AKAP9: variants seen among roughly 807,000 people sequenced by gnomAD.
The protein encoded by AKAP9 is A-kinase anchoring protein 9, also known as A-kinase anchor protein 9.
In AKAP9, 311 loss-of-function variants were observed where a neutral mutation model predicts 488.5. The ratio of observed to expected loss-of-function variants is 0.64; its 90% confidence interval spans 0.58 to 0.70. AKAP9 has a LOEUF of 0.70. Among genes scored for constraint, AKAP9 ranks in the 30% least tolerant of loss-of-function variants. The pLI, the probability that AKAP9 is intolerant of heterozygous loss-of-function variation, is 0.00. For synonymous variants in AKAP9, 1,462 were observed against 1,483.5 expected, an observed-to-expected ratio of 0.99 and a Z score of 0.33; for missense variants, 4,215 against 4,374.5, an observed-to-expected ratio of 0.96 and a Z score of 1.03.
At chr7:92,072,358 C>T (rs780449172) in intron 28 of AKAP9, among the ~76,000 whole-genome samples, 13 of 152,202 alleles carry the variant, frequency 8.5e-5, no homozygotes, top group Non-Finnish European at 1.2e-4. Flanking sequence ...TGACAGCTGA[C>T]CCTAATAACA....
chr7:92,058,037 A>G (rs1544377), intron 22 of AKAP9: 132,669 of 339,366 alleles, frequency 0.39, 26,960 homozygotes, highest in African/African-American at 0.47. Context: ...ATTTTATAAC[A>G]TTTATTTGAT....
rs1818432695 is a variant in AKAP9, at chr7:92,105,875, CAGCAGCAGGTG to C, written c.11416+119_11416+129del. The C allele has an allele frequency of 6.3e-6, 6 of 950,234 alleles. No individual in the cohort carries two copies. In the Admixed American group the frequency reaches 1.1e-4, roughly 17 times the overall value. 58.9% of individuals were successfully genotyped at this position (950,234 alleles called of 1,614,324 possible). ...GTGGCCTGTTAGGAACCAGGCCGCA[CAGCAGCAGGTG>C]AGCAGCGGGCATTACTGCCCGAGCT... On this transcript the variant is annotated intron_variant, in intron 47 of 49. Transcript: ENST00000356239.
At chr7:91,995,462 A>C in intron 6 of AKAP9, 141 bp from the exon 7 acceptor site, 1 of 684,202 alleles carries the variant, frequency 1.5e-6, no homozygotes, top group East Asian at 2.7e-5. Flanking sequence ...ATACCTATCT[A>C]GTCAGCCAAG....
In AKAP9 at chr7:92,102,441, TTTACTA is replaced by T. The variant is rs1406152184; in HGVS notation, c.11098-146_11098-141del. On this transcript the variant is annotated intron_variant, in intron 45 of 49. Transcript: ENST00000356239. The stretch of plus-strand genomic sequence containing the variant: ...GAAAACAGTGATAGGAACCTGCCGT[TTTACTA>T]TTACTACTACTACTACTACTACTAC... The T allele has an allele frequency of 1.5e-3, 869 of 563,020 alleles. 1 individual carries two copies. The highest frequency in any genetic ancestry group is 1.8e-3 in the East Asian group (51 of 28,516). The allele number at this position is 563,020 out of a possible 1,614,324, so 34.9% of individuals were successfully genotyped here. A position where few individuals can be genotyped will look rare whatever the true frequency, so the allele number is the denominator to read the frequency against.
At chr7:92,059,907 T>C (rs1199370513) in intron 22 of AKAP9, among the ~76,000 whole-genome samples, 9 of 151,936 alleles carry the variant, frequency 5.9e-5, no homozygotes, top group Admixed American at 3.9e-4. Flanking sequence ...TAACAACATA[T>C]TATCATGGGT....
intron 3 of AKAP9, among the ~76,000 whole-genome samples, chr7:91,989,561 A>G (rs1797516487): frequency 6.6e-6 from 1 of 152,094 alleles, no homozygotes; most frequent in Admixed American, 6.6e-5. Context: ...ATACTTTGCC[A>G]TGTATAGAAA....
chr7:92,008,095 C>A (rs1029302471), intron 8 of AKAP9, among the ~76,000 whole-genome samples: 3 of 152,134 alleles, frequency 2.0e-5, no homozygotes, highest in African/African-American at 7.2e-5. Context: ...AGTGGCTGGC[C>A]GTGGTGGCTC....
At chr7:91,959,557 T>C (rs1157552881) in intron 1 of AKAP9, among the ~76,000 whole-genome samples, 1 of 152,216 alleles carries the variant, frequency 6.6e-6, no homozygotes. Flanking sequence ...CTTTCCACTT[T>C]AGCTTCCCAA....
intron 16 of AKAP9, 71 bp from the exon 17 acceptor site, chr7:92,038,348 C>A: frequency 8.0e-7 from 1 of 1,244,568 alleles, no homozygotes; most frequent in Non-Finnish European, 1.2e-6. Flanking sequence ...ATTTTGAGTA[C>A]TAATTTACTT....
At chr7:92,028,183 A>C (rs1343016890) in intron 14 of AKAP9, among the ~76,000 whole-genome samples, 1 of 151,488 alleles carries the variant, frequency 6.6e-6, no homozygotes, top group Non-Finnish European at 1.5e-5. Context: ...CTGCCTAGGA[A>C]AACCAGAGAC....
intron 19 of AKAP9, 57 bp downstream of exon 19, chr7:92,042,243 T>C: frequency 6.2e-7 from 1 of 1,608,160 alleles, no homozygotes; most frequent in East Asian, 2.2e-5. Context: ...GTAGGATTTG[T>C]TTGTCTTTGT....
intron 1 of AKAP9, among the ~76,000 whole-genome samples, chr7:91,963,482 T>TCACACACACACA (rs56800758): frequency 2.7e-3 from 382 of 139,308 alleles, no homozygotes; most frequent in East Asian, 8.5e-3. Flanking sequence ...AACATATTTG[T>TCACACACACACA]CACACACACA....
Position 92,105,763 on chromosome 7 carries a change from G to A in AKAP9, c.11416G>A (p.Gly3806Ser). ...CAGAGATGGCTTTGGACTGAATCAA[G>A]GTGAAGTCAAAATAGCATATTTTCT... ...INRDGFGLNQ[G>S]AEKTDSFYHS... Residue 3806 changes from glycine (G) to serine (S), a missense_variant and splice_region_variant, in exon 47 of 50, where the codon GGT (glycine) becomes AGT (serine). Around this residue, in one of 5 missense-constraint regions of AKAP9, gnomAD observed 253 missense variants for 266.8 expected, o/e 0.95. Transcript: ENST00000356239. 1 of 1,612,626 alleles carries A rather than the reference G, an allele frequency of 6.2e-7. No individual in the cohort carries two copies. The highest frequency in any genetic ancestry group is 8.5e-7 in the Non-Finnish European group (1 of 1,178,650).
intron 8 of AKAP9, among the ~76,000 whole-genome samples, chr7:92,003,721 CTTTGA>C (rs1166570184): frequency 6.6e-6 from 1 of 151,772 alleles, no homozygotes; most frequent in African/African-American, 2.4e-5. Context: ...AAAAAAAAAC[CTTTGA>C]TTTAAGTCCT....
rs1244571081 is a variant in AKAP9 at position 91,940,974 on chromosome 7, G to T, written c.-126G>T. Reference sequence around the variant, plus strand: ...GACTGCTTCCACTTCGGGCGGGGGAGCGCCGGACCGAATCGGCTCTCTAGG... The same window carrying T: ...GACTGCTTCCACTTCGGGCGGGGGATCGCCGGACCGAATCGGCTCTCTAGG... On this transcript the variant is annotated 5_prime_UTR_variant, in exon 1 of 50. Transcript: ENST00000356239. 20 of 995,284 alleles carry T rather than the reference G, an allele frequency of 2.0e-5. No homozygotes were observed. Among genetic ancestry groups the T allele is most frequent in the Non-Finnish European group, 3.2e-5 (20 of 621,512 alleles). The allele number at this position is 995,284 out of a possible 1,614,324, so 61.7% of individuals were successfully genotyped here. A position where few individuals can be genotyped will look rare whatever the true frequency, so the allele number is the denominator to read the frequency against.
At chr7:92,102,537 G>C in intron 45 of AKAP9, 57 bp from the exon 46 acceptor site, 3 of 1,481,718 alleles carry the variant, frequency 2.0e-6, no homozygotes, top group South Asian at 1.1e-5. Flanking sequence ...TTTTCCCCTA[G>C]AGAGCAGGGT....
chr7:91,986,391 C>T (rs1797090911), intron 3 of AKAP9, among the ~76,000 whole-genome samples: 1 of 152,210 alleles, frequency 6.6e-6, no homozygotes, highest in Non-Finnish European at 1.5e-5. Flanking sequence ...GCTCACCCTC[C>T]ATGGGCTGCA....
At chr7:92,068,472 C>T (rs1345962242) in intron 26 of AKAP9, among the ~76,000 whole-genome samples, 1 of 150,894 alleles carries the variant, frequency 6.6e-6, no homozygotes, top group East Asian at 2.0e-4. Flanking sequence ...GTTTGTTGTA[C>T]TTCAAAGAAT....
At chr7:91,970,329 G>T in intron 1 of AKAP9, 1 of 277,416 alleles carries the variant, frequency 3.6e-6, no homozygotes, top group Non-Finnish European at 7.0e-6. Context: ...TTGTCTTTTG[G>T]ACTTCATCCT....
Sources: gnomAD v4.1 joint callset for allele counts (sites outside exome capture counted in the v4.1 genomes callset) on GRCh38, gnomAD v4.1.1 for gene constraint, gnomAD v4.1.1 regional missense constraint, MANE v1.5 for transcripts, NCBI Gene and HGNC (gene_info 2026-07-23, HGNC 2026-07-21) for gene names.